The following TMEM117 variants were observed in gnomAD, a reference collection of about 807,000 sequenced individuals.
TMEM117 encodes the protein transmembrane protein 117.
TMEM117 carries 27 observed loss-of-function variants against 52.4 expected under a neutral mutation model. The observed-to-expected ratio is 0.51, with a 90% CI of 0.38 to 0.71. TMEM117 has a LOEUF of 0.71. Ranked by LOEUF, TMEM117 falls within the 30% of genes least tolerant of loss-of-function variation. The pLI is 0.00. For synonymous variants in TMEM117, 215 were observed against 206.3 expected, an observed-to-expected ratio of 1.04 and a Z score of -0.36; for missense variants, 556 against 630.5, an observed-to-expected ratio of 0.88 and a Z score of 1.26.
chr12:44,234,005 T>C (rs1215947542), intron 5 of TMEM117, among the ~76,000 whole-genome samples: 6 of 151,550 alleles, frequency 4.0e-5, no homozygotes, highest in South Asian at 2.1e-4. Flanking sequence ...CTAGATTCAA[T>C]TGCCAATATT....
intron 2 of TMEM117, among the ~76,000 whole-genome samples, chr12:43,898,976 C>T (rs1944259726): frequency 6.6e-6 from 1 of 152,126 alleles, no homozygotes; most frequent in Non-Finnish European, 1.5e-5. Flanking sequence ...AGCAGCTGTC[C>T]GTCAGTGGAT....
intron 3 of TMEM117, among the ~76,000 whole-genome samples, chr12:44,122,854 A>G (rs1462022467): frequency 6.6e-6 from 1 of 152,172 alleles, no homozygotes; most frequent in African/African-American, 2.4e-5. Flanking sequence ...GCTTTTGTGA[A>G]TAATGCTGCA....
chr12:44,107,419 G>C (rs1007812641), intron 3 of TMEM117, among the ~76,000 whole-genome samples: 4 of 152,026 alleles, frequency 2.6e-5, no homozygotes, highest in Admixed American at 2.0e-4. Flanking sequence ...TTTTTTAGAA[G>C]AGAAATAAAA....
chr12:44,079,261 A>G (rs1231233004), intron 3 of TMEM117, among the ~76,000 whole-genome samples: 3 of 152,162 alleles, frequency 2.0e-5, no homozygotes, highest in Non-Finnish European at 2.9e-5. Context: ...TGGTATTTCT[A>G]GTTCTAGATC....
In TMEM117 at chr12:44,384,464, C is replaced by T. The variant is rs562309964; in HGVS notation, c.899-3562C>T. ...CTTCTGTGGGGGAGAGGTAGGGACA[C>T]GATCCCCTGTTTTTTAGTCTCAAAA... On this transcript the variant is annotated intron_variant, in intron 7 of 7. Coordinates refer to ENST00000266534, the MANE Select transcript of TMEM117 (RefSeq NM_032256.3). Among the ~76,000 whole-genome samples, 6 of 152,100 alleles carry T rather than the reference C, an allele frequency of 3.9e-5. No individual in the cohort carries two copies. In the South Asian group the frequency reaches 8.3e-4, roughly 21 times the overall value.
chr12:44,229,542 T>C (rs1198576112), intron 5 of TMEM117, among the ~76,000 whole-genome samples: 1 of 152,102 alleles, frequency 6.6e-6, no homozygotes, highest in Non-Finnish European at 1.5e-5. Context: ...ACAGCTTATG[T>C]GCATTGCCCA....
chr12:44,107,720 C>T (rs1947984167), intron 3 of TMEM117, among the ~76,000 whole-genome samples: 2 of 152,068 alleles, frequency 1.3e-5, no homozygotes, highest in Non-Finnish European at 2.9e-5. Flanking sequence ...CCACAAGAAA[C>T]ATTATTTTAC....
At chr12:44,185,067 C>T (rs1178798202) in intron 4 of TMEM117, among the ~76,000 whole-genome samples, 1 of 152,278 alleles carries the variant, frequency 6.6e-6, no homozygotes. Context: ...TTTAGGTGCT[C>T]TTACTCTGCA....
At chr12:44,314,599 C>G (rs1486888981) in intron 6 of TMEM117, among the ~76,000 whole-genome samples, 1 of 146,010 alleles carries the variant, frequency 6.8e-6, no homozygotes, top group Non-Finnish European at 1.5e-5. Flanking sequence ...CAAAGTCTCA[C>G]TCTGTCGCCA....
intron 3 of TMEM117, among the ~76,000 whole-genome samples, chr12:44,016,147 A>G (rs1443609054): frequency 6.6e-6 from 1 of 151,672 alleles, no homozygotes; most frequent in East Asian, 1.9e-4. Context: ...CCTCCCCTGA[A>G]CCCCACCTGG....
At chr12:44,118,110 G>A (rs1409074302) in intron 3 of TMEM117, among the ~76,000 whole-genome samples, 1 of 151,740 alleles carries the variant, frequency 6.6e-6, no homozygotes, top group Non-Finnish European at 1.5e-5. Context: ...GGAATATCAG[G>A]TGACATTTTC....
chr12:43,935,833 C>G (rs1944943598), intron 2 of TMEM117, among the ~76,000 whole-genome samples: 1 of 152,110 alleles, frequency 6.6e-6, no homozygotes, highest in Non-Finnish European at 1.5e-5. Context: ...TCATTTCTGA[C>G]CTGCATTCTA....
intron 3 of TMEM117, chr12:44,073,635 C>T (rs1947338014): frequency 2.6e-5 from 4 of 152,124 alleles, no homozygotes; most frequent in Admixed American, 2.6e-4. Flanking sequence ...GACTGGAGGT[C>T]GTTGGAGTGC....
At chr12:44,070,032 G>A (rs1947278182) in intron 3 of TMEM117, among the ~76,000 whole-genome samples, 1 of 152,174 alleles carries the variant, frequency 6.6e-6, no homozygotes, top group African/African-American at 2.4e-5. Flanking sequence ...TGGGACTACA[G>A]GCACATGCCA....
chr12:44,081,402 C>CT (rs1396991575), intron 3 of TMEM117, among the ~76,000 whole-genome samples: 58 of 152,244 alleles, frequency 3.8e-4, no homozygotes, highest in Admixed American at 2.6e-3. Context: ...GGTGTTCCAG[C>CT]TTTTTGTGTT....
chr12:43,852,214 G>A (rs1943321630), intron 2 of TMEM117, among the ~76,000 whole-genome samples: 1 of 152,148 alleles, frequency 6.6e-6, no homozygotes, highest in Non-Finnish European at 1.5e-5. Context: ...GGCGGATCAC[G>A]AGGTCAGGAG....
intron 3 of TMEM117, among the ~76,000 whole-genome samples, chr12:44,041,666 GAA>G (rs900030285): frequency 6.6e-6 from 1 of 151,914 alleles, no homozygotes; most frequent in Non-Finnish European, 1.5e-5. Context: ...GAGACACAGT[GAA>G]AAAAGAAAAC....
chr12:43,845,784 C>T (rs1285347108), intron 2 of TMEM117, among the ~76,000 whole-genome samples: 3 of 151,828 alleles, frequency 2.0e-5, no homozygotes, highest in Non-Finnish European at 4.4e-5. Flanking sequence ...TGAGCAAGAA[C>T]ATGTGGTGTT....
chr12:44,121,901 G>A (rs1223331593), intron 3 of TMEM117, among the ~76,000 whole-genome samples: 1 of 151,918 alleles, frequency 6.6e-6, no homozygotes, highest in East Asian at 1.9e-4. Flanking sequence ...TCTCTTCTTT[G>A]TGTCCATTGT....
Sources: gnomAD v4.1 joint callset for allele counts (sites outside exome capture counted in the v4.1 genomes callset) on GRCh38, gnomAD v4.1.1 for gene constraint, MANE v1.5 for transcripts, NCBI Gene and HGNC (gene_info 2026-07-23, HGNC 2026-07-21) for gene names.